The following AGBL4 variants were observed in gnomAD, a reference collection of about 807,000 sequenced individuals.
The protein encoded by AGBL4 is AGBL carboxypeptidase 4, also known as cytosolic carboxypeptidase 6.
A neutral mutation model predicts 66.4 loss-of-function variants in AGBL4; 58 were observed. The ratio of observed to expected loss-of-function variants is 0.87; its 90% CI spans 0.71 to 1.09. AGBL4 has a LOEUF of 1.09. AGBL4 is among the 50% of genes least tolerant of loss of function. The pLI is 0.00. For missense variants in AGBL4, 579 were observed against 631.0 expected (o/e 0.92, Z 0.88); for synonymous variants, 234 against 222.9 (o/e 1.05, Z -0.44).
chr1:49,150,795 G>T (rs987550624), intron 4 of AGBL4, among the ~76,000 whole-genome samples: 2 of 151,920 alleles, frequency 1.3e-5, no homozygotes, highest in African/African-American at 2.4e-5. Context: ...GAGCTTCCAC[G>T]TTATCCTATA....
At chr1:49,793,565 C>T (rs1644656635) in intron 2 of AGBL4, among the ~76,000 whole-genome samples, 1 of 151,908 alleles carries the variant, frequency 6.6e-6, no homozygotes, top group Admixed American at 6.6e-5. Flanking sequence ...ATATTTCTGG[C>T]TTGAGCATCT....
At chr1:48,691,976 C>G (rs1447313978) in intron 6 of AGBL4, among the ~76,000 whole-genome samples, 3 of 152,234 alleles carry the variant, frequency 2.0e-5, no homozygotes, top group Non-Finnish European at 4.4e-5. Context: ...CAACTTGGGT[C>G]TTTCTTCCTT....
intron 3 of AGBL4, among the ~76,000 whole-genome samples, chr1:49,499,512 C>A (rs1647928532): frequency 6.6e-6 from 1 of 151,588 alleles, no homozygotes; most frequent in South Asian, 2.1e-4. Flanking sequence ...ATCACTCACC[C>A]CCTTCCAGCC....
chr1:49,740,828 A>T (rs990591294), intron 2 of AGBL4, among the ~76,000 whole-genome samples: 41 of 152,236 alleles, frequency 2.7e-4, no homozygotes, highest in African/African-American at 9.6e-4. Flanking sequence ...TGAAGGCAGA[A>T]ATAAAGATGT....
intron 1 of AGBL4, among the ~76,000 whole-genome samples, chr1:49,883,217 G>T (rs552753470): frequency 6.6e-6 from 1 of 152,224 alleles, no homozygotes; most frequent in South Asian, 2.1e-4. Flanking sequence ...TAGCAGTTAT[G>T]TTTATAGCGA....
intron 5 of AGBL4, among the ~76,000 whole-genome samples, chr1:48,923,812 C>A (rs1263635832): frequency 6.6e-6 from 1 of 152,190 alleles, no homozygotes; most frequent in East Asian, 1.9e-4. Context: ...GTTCATACAT[C>A]CGTGGGCATG....
At chr1:49,167,647 T>C (rs1646658489) in intron 4 of AGBL4, among the ~76,000 whole-genome samples, 1 of 152,144 alleles carries the variant, frequency 6.6e-6, no homozygotes, top group Admixed American at 6.6e-5. Context: ...TATACAAAGG[T>C]AGAAAATAAA....
intron 3 of AGBL4, among the ~76,000 whole-genome samples, chr1:49,595,735 A>G (rs1011392633): frequency 5.3e-5 from 8 of 152,194 alleles, no homozygotes; most frequent in Non-Finnish European, 1.2e-4. Flanking sequence ...TTTAGAAGGC[A>G]CAGAAGGTTT....
At chr1:49,766,853 AAAAAGGCACTATGTAATTT>A (rs1652767492) in intron 2 of AGBL4, among the ~76,000 whole-genome samples, 1 of 152,028 alleles carries the variant, frequency 6.6e-6, no homozygotes, top group Non-Finnish European at 1.5e-5. Flanking sequence ...AAAAAGGACA[AAAAAGGCACTATGTAATTT>A]AAAAGGGTTC....
intron 2 of AGBL4, among the ~76,000 whole-genome samples, chr1:49,754,832 G>A (rs1002214899): frequency 2.6e-5 from 4 of 152,202 alleles, no homozygotes; most frequent in Non-Finnish European, 4.4e-5. Flanking sequence ...ATGGAGGACA[G>A]CAAATCCAAA....
chr1:49,167,541 T>C (rs543111748), intron 4 of AGBL4, among the ~76,000 whole-genome samples: 24 of 152,336 alleles, frequency 1.6e-4, no homozygotes, highest in African/African-American at 5.1e-4. Context: ...AAGGCTCCAC[T>C]GCTCCTTCCC....
chr1:49,407,065 CAAAAAAAAAAAAAAA>C (rs57974289), intron 3 of AGBL4, among the ~76,000 whole-genome samples: 6 of 25,928 alleles, frequency 2.3e-4, no homozygotes, highest in African/African-American at 5.9e-4. Context: ...ACTCTGCCTC[CAAAAAAAAAAAAAAA>C]AAAAAAAAAA....
At chr1:48,590,711 C>T (rs1211855038) in intron 10 of AGBL4, 122 bp downstream of exon 10, 1 of 1,123,312 alleles carries the variant, frequency 8.9e-7, no homozygotes, top group East Asian at 2.6e-5. Context: ...ATCACCCACA[C>T]AATACCTAAC....
intron 6 of AGBL4, among the ~76,000 whole-genome samples, chr1:48,800,434 C>G (rs1645783717): frequency 1.3e-5 from 2 of 152,120 alleles, no homozygotes; most frequent in Non-Finnish European, 2.9e-5. Context: ...TTTTGTTTAT[C>G]CTTTCAAAGA....
At chr1:48,976,770 G>T (rs570338585) in intron 5 of AGBL4, among the ~76,000 whole-genome samples, 1 of 151,836 alleles carries the variant, frequency 6.6e-6, no homozygotes, top group Admixed American at 6.6e-5. Flanking sequence ...AGAAACAAAG[G>T]GCTCATTCCT....
At chr1:49,834,783 A>C (rs1645801304) in intron 2 of AGBL4, among the ~76,000 whole-genome samples, 2 of 151,936 alleles carry the variant, frequency 1.3e-5, no homozygotes, top group South Asian at 4.2e-4. Context: ...CTTTTTTCTC[A>C]TTGGTTTCAA....
At chr1:48,894,515 T>A (rs1322695215) in intron 5 of AGBL4, among the ~76,000 whole-genome samples, 1 of 152,216 alleles carries the variant, frequency 6.6e-6, no homozygotes, top group Non-Finnish European at 1.5e-5. Context: ...AAATACATTA[T>A]GTGCATTAAT....
intron 4 of AGBL4, among the ~76,000 whole-genome samples, chr1:49,115,254 C>A (rs1022555673): frequency 6.6e-6 from 1 of 152,092 alleles, no homozygotes; most frequent in Non-Finnish European, 1.5e-5. Context: ...CAGATGGGAA[C>A]TTGTTTAGGG....
intron 3 of AGBL4, among the ~76,000 whole-genome samples, chr1:49,468,966 G>A (rs939535554): frequency 2.6e-5 from 4 of 151,812 alleles, no homozygotes; most frequent in African/African-American, 9.7e-5. Flanking sequence ...ACCCATTGTA[G>A]TTTTTGATCT....
Sources: gnomAD v4.1 joint callset for allele counts (sites outside exome capture counted in the v4.1 genomes callset) on GRCh38, gnomAD v4.1.1 for gene constraint, MANE v1.5 for transcripts, NCBI Gene and HGNC (gene_info 2026-07-23, HGNC 2026-07-21) for gene names.